The following FSTL5 variants were observed in gnomAD, a reference collection of about 807,000 sequenced individuals.
FSTL5 encodes follistatin like 5, also known as follistatin-related protein 5.
Under a neutral mutation model 89.1 loss-of-function variants are expected in FSTL5, and 62 were observed. That is an observed-to-expected ratio of 0.70 (90% CI 0.57 to 0.86). The LOEUF (loss-of-function observed/expected upper bound fraction) is 0.86, where lower values mean the gene tolerates loss of function less well. Among genes scored for constraint, FSTL5 ranks in the 40% least tolerant of loss-of-function variants. The probability of loss-of-function intolerance (pLI) is 0.00; values close to 1 mark genes in which losing one functional copy is unlikely to be tolerated. For synonymous variants in FSTL5, 383 were observed against 346.2 expected, an observed-to-expected ratio of 1.11 and a Z score of -1.18; for missense variants, 1,057 against 1,001.6, an observed-to-expected ratio of 1.06 and a Z score of -0.75.
At chr4:161,743,560 G>A (rs1430893986) in intron 6 of FSTL5, among the ~76,000 whole-genome samples, 1 of 150,632 alleles carries the variant, frequency 6.6e-6, no homozygotes, top group East Asian at 1.9e-4. Context: ...ATGAACTTTA[G>A]TTTTTTTTTC....
At chr4:162,023,403 A>G (rs1204345632) in intron 3 of FSTL5, among the ~76,000 whole-genome samples, 1 of 152,136 alleles carries the variant, frequency 6.6e-6, no homozygotes, top group Non-Finnish European at 1.5e-5. Flanking sequence ...TCTGGTTTTT[A>G]TATGTGCCTA....
At chr4:161,548,905 C>CA (rs1732099415) in intron 8 of FSTL5, among the ~76,000 whole-genome samples, 1 of 151,584 alleles carries the variant, frequency 6.6e-6, no homozygotes, top group Admixed American at 6.6e-5. Context: ...ATTCCAATAC[C>CA]AAAAAGCATA....
chr4:162,141,557 G>A (rs1732747804), intron 1 of FSTL5, among the ~76,000 whole-genome samples: 1 of 152,142 alleles, frequency 6.6e-6, no homozygotes, highest in South Asian at 2.1e-4. Flanking sequence ...AGAACCGTAA[G>A]CCAAATAAAC....
chr4:162,084,815 C>T (rs1730245432), intron 2 of FSTL5, among the ~76,000 whole-genome samples: 1 of 152,014 alleles, frequency 6.6e-6, no homozygotes, highest in African/African-American at 2.4e-5. Context: ...GGAGAAATAC[C>T]TAATGTACAT....
intron 6 of FSTL5, among the ~76,000 whole-genome samples, chr4:161,728,339 G>A (rs756496769): frequency 4.7e-4 from 71 of 152,036 alleles, no homozygotes; most frequent in Non-Finnish European, 7.2e-4. Flanking sequence ...TGGAAACGGG[G>A]GCATTTGGAG....
At chr4:162,040,580 G>C (rs1455341316) in intron 2 of FSTL5, among the ~76,000 whole-genome samples, 2 of 152,072 alleles carry the variant, frequency 1.3e-5, no homozygotes, top group Non-Finnish European at 2.9e-5. Flanking sequence ...CTGAAAAATA[G>C]AGATATGGTC....
At chr4:161,552,120 T>C in intron 8 of FSTL5, among the ~76,000 whole-genome samples, 1 of 152,058 alleles carries the variant, frequency 6.6e-6, no homozygotes, top group Non-Finnish European at 1.5e-5. Context: ...GATATGTTAA[T>C]GTACTTATGG....
At chr4:161,431,723 C>T (rs185458586) in intron 15 of FSTL5, among the ~76,000 whole-genome samples, 4 of 152,012 alleles carry the variant, frequency 2.6e-5, no homozygotes, top group Admixed American at 1.3e-4. Flanking sequence ...ACAAGAGACA[C>T]ATTTCACCAA....
intron 3 of FSTL5, among the ~76,000 whole-genome samples, chr4:161,967,547 A>C (rs1479058950): frequency 6.6e-6 from 1 of 151,882 alleles, no homozygotes; most frequent in African/African-American, 2.4e-5. Flanking sequence ...AAAATATTCA[A>C]TAATATGAAA....
At chr4:162,057,264 T>C (rs1365816214) in intron 2 of FSTL5, among the ~76,000 whole-genome samples, 1 of 152,186 alleles carries the variant, frequency 6.6e-6, no homozygotes, top group South Asian at 2.1e-4. Context: ...TGCTCATTCC[T>C]TTTTAATCTA....
chr4:162,122,965 C>T (rs1731929414), intron 1 of FSTL5, among the ~76,000 whole-genome samples: 1 of 152,016 alleles, frequency 6.6e-6, no homozygotes, highest in Non-Finnish European at 1.5e-5. Flanking sequence ...TTGCCTTCTA[C>T]CTTGATGAGC....
At chr4:161,516,904 T>A (rs1004002728) in intron 10 of FSTL5, among the ~76,000 whole-genome samples, 1 of 151,932 alleles carries the variant, frequency 6.6e-6, no homozygotes, top group African/African-American at 2.4e-5. Context: ...TCCACCTAGT[T>A]TTCTCTCCAG....
chr4:161,566,732 AT>A (rs1732829246), intron 8 of FSTL5, among the ~76,000 whole-genome samples: 1 of 151,928 alleles, frequency 6.6e-6, no homozygotes, highest in Non-Finnish European at 1.5e-5. Flanking sequence ...TTCGTATCTC[AT>A]GGAGGGAAGG....
intron 4 of FSTL5, among the ~76,000 whole-genome samples, chr4:161,829,732 G>A (rs1730784339): frequency 6.6e-6 from 1 of 152,018 alleles, no homozygotes. Flanking sequence ...TTTCTAAATG[G>A]TAAAGTAAAT....
At chr4:161,866,392 ATAGGTCT>A (rs1430976631) in intron 4 of FSTL5, among the ~76,000 whole-genome samples, 4 of 150,736 alleles carry the variant, frequency 2.7e-5, no homozygotes, top group African/African-American at 9.8e-5. Context: ...GAGACATTTC[ATAGGTCT>A]TTTGATTTGA....
chr4:161,829,653 T>A (rs1730781870), intron 4 of FSTL5, among the ~76,000 whole-genome samples: 1 of 152,090 alleles, frequency 6.6e-6, no homozygotes, highest in African/African-American at 2.4e-5. Flanking sequence ...TTGGCTACTA[T>A]GCCAAGAGGG....
intron 6 of FSTL5, among the ~76,000 whole-genome samples, chr4:161,665,194 T>G (rs887632189): frequency 6.6e-6 from 1 of 151,956 alleles, no homozygotes; most frequent in Non-Finnish European, 1.5e-5. Context: ...TTTTGTTTTG[T>G]TTTTGTTTTT....
intron 3 of FSTL5, among the ~76,000 whole-genome samples, chr4:162,003,490 A>C (rs1184849103): frequency 2.6e-5 from 4 of 152,332 alleles, no homozygotes; most frequent in Admixed American, 1.3e-4. Context: ...AAATAATGGA[A>C]GATAGCACAG....
chr4:161,566,622 T>C (rs1168296148), intron 8 of FSTL5, among the ~76,000 whole-genome samples: 1 of 152,094 alleles, frequency 6.6e-6, no homozygotes, highest in Non-Finnish European at 1.5e-5. Context: ...ATCTGTTGTT[T>C]TTAGACTTTT....
Sources: allele counts gnomAD v4.1 joint callset (sites outside exome capture counted in the v4.1 genomes callset), GRCh38; gene constraint gnomAD v4.1.1; transcripts MANE v1.5; gene names NCBI Gene and HGNC (gene_info 2026-07-23, HGNC 2026-07-21).